KIF18A: variants seen among roughly 807,000 people sequenced by gnomAD.
KIF18A encodes kinesin-like protein KIF18A.
In KIF18A, 67 loss-of-function variants were observed where a neutral mutation model predicts 103.3. The ratio of observed to expected loss-of-function variants is 0.65; its 90% CI spans 0.53 to 0.79. KIF18A has a LOEUF of 0.79. Among genes scored for constraint, KIF18A ranks in the 30% least tolerant of loss-of-function variants. The pLI is 0.00. For missense variants in KIF18A, 1,032 were observed against 1,062.5 expected (o/e 0.97, Z 0.40); for synonymous variants, 367 against 355.5 (o/e 1.03, Z -0.36).
chr11:28,048,684 G>C (rs912864188), intron 13 of KIF18A, among the ~76,000 whole-genome samples: 6 of 152,006 alleles, frequency 3.9e-5, no homozygotes, highest in Non-Finnish European at 5.9e-5. Flanking sequence ...CAGTAACAAG[G>C]TTAAAACACT....
At chr11:28,043,697 CA>C (rs1446128912) in intron 13 of KIF18A, among the ~76,000 whole-genome samples, 1 of 150,952 alleles carries the variant, frequency 6.6e-6, no homozygotes, top group African/African-American at 2.4e-5. Context: ...AAAACAAAAA[CA>C]AAAACAAAAA....
At chr11:28,042,203 T>C (rs1335022715) in intron 13 of KIF18A, among the ~76,000 whole-genome samples, 2 of 151,786 alleles carry the variant, frequency 1.3e-5, no homozygotes, top group Middle Eastern at 3.2e-3. Context: ...TAGGAAACAG[T>C]CCTAGAACAA....
chr11:28,089,870 G>C (rs1851279274), intron 5 of KIF18A, among the ~76,000 whole-genome samples: 1 of 152,152 alleles, frequency 6.6e-6, no homozygotes, highest in Non-Finnish European at 1.5e-5. Context: ...CAGGATCTAA[G>C]ATATTTCAGA....
intron 1 of KIF18A, among the ~76,000 whole-genome samples, chr11:28,104,230 T>C (rs956840097): frequency 1.3e-5 from 2 of 152,190 alleles, no homozygotes; most frequent in Admixed American, 1.3e-4. Context: ...GTATTGCATG[T>C]CATTTACCTG....
intron 2 of KIF18A, among the ~76,000 whole-genome samples, chr11:28,096,882 CTT>C (rs35883651): frequency 9.8e-6 from 1 of 102,290 alleles, no homozygotes. Flanking sequence ...CTCTCTCTCT[CTT>C]TTTTTTTTTT....
chr11:28,088,644 C>A lies in KIF18A; in HGVS notation c.777G>T (p.Leu259=). Residue 259 remains leucine (L), a synonymous_variant, in exon 6 of 17, where the codon CTG becomes CTT. Coordinates refer to ENST00000263181, the MANE Select transcript of KIF18A (RefSeq NM_031217.4). Reference sequence around the variant, plus strand: ...AAGTACTTGCTCGCTCAGATCCTGCCAGGTCAATGAGTGACATCTTGGCAA... The same window carrying A: ...AAGTACTTGCTCGCTCAGATCCTGCAAGGTCAATGAGTGACATCTTGGCAA... ...VRIAKMSLID[L]AGSERASTSG... is the part of the protein sequence containing the mutation. 1 of 1,613,968 alleles carries A rather than the reference C, an allele frequency of 6.2e-7. No homozygotes were observed. Among genetic ancestry groups the A allele is most frequent in the East Asian group, 2.2e-5 (1 of 44,862 alleles).
At chr11:28,094,031 G>A (rs1229463160) in intron 3 of KIF18A, among the ~76,000 whole-genome samples, 1 of 152,180 alleles carries the variant, frequency 6.6e-6, no homozygotes, top group Non-Finnish European at 1.5e-5. Flanking sequence ...TTTTGATGCA[G>A]TAAGAAGTGA....
chr11:28,049,655 G>A (rs977947494), intron 13 of KIF18A, among the ~76,000 whole-genome samples: 4 of 151,940 alleles, frequency 2.6e-5, no homozygotes, highest in Admixed American at 6.6e-5. Context: ...TAATATGTAC[G>A]TGAGGAGAAA....
intron 15 of KIF18A, among the ~76,000 whole-genome samples, chr11:28,028,037 C>G (rs1212180745): frequency 1.3e-5 from 2 of 151,858 alleles, no homozygotes; most frequent in African/African-American, 4.8e-5. Context: ...CAAGATGGTT[C>G]AACATATGCA....
At chr11:28,052,795 G>T (rs1590679174) in intron 13 of KIF18A, among the ~76,000 whole-genome samples, 3 of 151,908 alleles carry the variant, frequency 2.0e-5, no homozygotes, top group Non-Finnish European at 4.4e-5. Flanking sequence ...ACTGCTGTAA[G>T]TTAAACACTG....
intron 3 of KIF18A, among the ~76,000 whole-genome samples, chr11:28,092,776 A>T (rs916709836): frequency 7.9e-5 from 12 of 152,232 alleles, no homozygotes; most frequent in Non-Finnish European, 1.8e-4. Flanking sequence ...TCTACAATGA[A>T]TGATAGGCAT....
At chr11:28,087,484 T>C (rs1262241711) in intron 6 of KIF18A, among the ~76,000 whole-genome samples, 1 of 152,232 alleles carries the variant, frequency 6.6e-6, no homozygotes, top group Non-Finnish European at 1.5e-5. Flanking sequence ...ATCTAGTCTA[T>C]CATTGATGGG....
intron 13 of KIF18A, among the ~76,000 whole-genome samples, chr11:28,055,848 G>C (rs1169200640): frequency 1.3e-5 from 2 of 152,218 alleles, no homozygotes; most frequent in Non-Finnish European, 1.5e-5. Flanking sequence ...AAGAAAATCA[G>C]TCTAAACAGA....
At chr11:28,097,495 A>AT in intron 2 of KIF18A, 128 bp downstream of exon 2, 1 of 708,036 alleles carries the variant, frequency 1.4e-6, no homozygotes, top group Non-Finnish European at 2.5e-6. Context: ...AGTCTATTGA[A>AT]TTTCTTAAGA....
At chr11:28,090,523 GA>G (rs2133559423) in intron 5 of KIF18A, 93 bp downstream of exon 5, 1 of 753,054 alleles carries the variant, frequency 1.3e-6, no homozygotes, top group African/African-American at 1.8e-5. Context: ...TCTACAGACA[GA>G]TTTTTTTCAC....
At chr11:28,100,927 C>T (rs2133568806) in intron 1 of KIF18A, among the ~76,000 whole-genome samples, 1 of 152,192 alleles carries the variant, frequency 6.6e-6, no homozygotes, top group Admixed American at 6.5e-5. Flanking sequence ...CCATGAGTCT[C>T]AGGTTTCTAT....
intron 15 of KIF18A, among the ~76,000 whole-genome samples, chr11:28,028,162 C>A (rs1850345195): frequency 6.6e-6 from 1 of 151,222 alleles, no homozygotes; most frequent in African/African-American, 2.4e-5. Context: ...ATGATAAAAA[C>A]TCTCACCAAG....
intron 15 of KIF18A, among the ~76,000 whole-genome samples, chr11:28,028,245 G>C (rs1850346731): frequency 6.6e-6 from 1 of 151,908 alleles, no homozygotes; most frequent in Non-Finnish European, 1.5e-5. Flanking sequence ...GCACCACACT[G>C]CACTTATTCC....
In KIF18A at chr11:28,077,064, G is replaced by A. The variant is rs1379704150; in HGVS notation, c.1368C>T (p.Tyr456=). 1 of 1,577,516 alleles carries A rather than the reference G, an allele frequency of 6.3e-7. No homozygotes were observed. The change falls in exon 10 of 17, where the codon TAC becomes TAT. Residue 456 remains tyrosine (Y), a synonymous_variant. Coordinates refer to ENST00000263181, the MANE Select transcript of KIF18A (RefSeq NM_031217.4). ...LLKENELKSF[Y]QQQCHKQIEM... ...CTATTTGTTTATGGCACTGTTGTTG[G>A]TAGAATGATTTAAGTTCATTTTCTT...
Sources: gnomAD v4.1 joint callset for allele counts (sites outside exome capture counted in the v4.1 genomes callset) on GRCh38, gnomAD v4.1.1 for gene constraint, MANE v1.5 for transcripts, NCBI Gene and HGNC (gene_info 2026-07-23, HGNC 2026-07-21) for gene names.